The following TTLL11 variants were observed in gnomAD, a reference collection of about 807,000 sequenced individuals.
TTLL11 encodes tubulin tyrosine ligase like 11.
TTLL11 carries 42 observed loss-of-function variants against 51.7 expected under a neutral mutation model. That is an observed-to-expected ratio of 0.81 (90% confidence interval 0.64 to 1.05). The LOEUF (loss-of-function observed/expected upper bound fraction) is 1.05. Among genes scored for constraint, TTLL11 ranks in the 50% least tolerant of loss-of-function variants. TTLL11 has a pLI of 0.00. For synonymous variants in TTLL11, 381 were observed against 383.5 expected, an observed-to-expected ratio of 0.99 and a Z score of 0.08; for missense variants, 799 against 940.4, an observed-to-expected ratio of 0.85 and a Z score of 1.97.
chr9:121,870,822 C>T (rs965855069), intron 6 of TTLL11, 74 bp from the exon 7 acceptor site: 1 of 1,433,648 alleles, frequency 7.0e-7, no homozygotes, highest in Admixed American at 2.7e-5. Flanking sequence ...TTACAGCCTC[C>T]TCGGGAGGCA....
rs184135704 is a variant in TTLL11, at chr9:121,991,313, T to A, written c.694-1543A>T. Among the ~76,000 whole-genome samples the A allele has an allele frequency of 3.9e-5, 6 of 152,360 alleles. No individual in the cohort carries two copies. The East Asian group carries it at 1.2e-3, about 29-fold the overall frequency. On this transcript the variant is annotated intron_variant, in intron 3 of 8. Coordinates refer to ENST00000321582, the MANE Select transcript of TTLL11 (RefSeq NM_001139442.2). ...AAGATCTTTAACAATGGAGAAACACTTAAAGCCTTAATAATGGTCCACATC... is the reference window on the plus strand; with the variant it reads ...AAGATCTTTAACAATGGAGAAACACATAAAGCCTTAATAATGGTCCACATC...
chr9:121,882,876 A>G (rs1046860285), intron 6 of TTLL11, among the ~76,000 whole-genome samples: 4 of 152,120 alleles, frequency 2.6e-5, no homozygotes, highest in Admixed American at 2.0e-4. Flanking sequence ...AATTTATATC[A>G]CAGTCATTTA....
intron 6 of TTLL11, among the ~76,000 whole-genome samples, chr9:121,938,490 A>G (rs1185402178): frequency 2.0e-5 from 3 of 152,208 alleles, no homozygotes; most frequent in African/African-American, 4.8e-5. Flanking sequence ...ACAACAGGGT[A>G]AAAGACAAAT....
chr9:121,888,524 C>T (rs1839101262), intron 6 of TTLL11, among the ~76,000 whole-genome samples: 1 of 152,226 alleles, frequency 6.6e-6, no homozygotes. Flanking sequence ...TGACTCATTT[C>T]TGACTCTCCA....
At chr9:121,874,409 G>A (rs552668991) in intron 6 of TTLL11, among the ~76,000 whole-genome samples, 4 of 152,138 alleles carry the variant, frequency 2.6e-5, no homozygotes, top group Non-Finnish European at 5.9e-5. Context: ...ATAATAGTAA[G>A]TCATGCTCTT....
intron 8 of TTLL11, among the ~76,000 whole-genome samples, chr9:121,839,239 T>C (rs2131353135): frequency 1.3e-5 from 2 of 152,364 alleles, no homozygotes; most frequent in Middle Eastern, 6.8e-3. Context: ...GGCCACCGGA[T>C]GTCAGCAGTG....
intron 8 of TTLL11, among the ~76,000 whole-genome samples, chr9:121,858,398 C>T (rs561946361): frequency 1.1e-4 from 17 of 152,158 alleles, no homozygotes; most frequent in Non-Finnish European, 2.4e-4. Context: ...TCCTCCTCTG[C>T]ACAATGGAGA....
chr9:122,033,183 G>C (rs1844603399), intron 2 of TTLL11, among the ~76,000 whole-genome samples: 1 of 152,096 alleles, frequency 6.6e-6, no homozygotes, highest in East Asian at 1.9e-4. Context: ...CACGATCTTG[G>C]CTTACTGCAA....
intron 6 of TTLL11, among the ~76,000 whole-genome samples, chr9:121,943,892 T>C (rs375667869): frequency 6.6e-6 from 1 of 152,214 alleles, no homozygotes; most frequent in Non-Finnish European, 1.5e-5. Context: ...AGAAAATGTT[T>C]GTTGAATAAG....
At chr9:121,899,365 G>GTATATATATATACATATATATA (rs1554766917) in intron 6 of TTLL11, among the ~76,000 whole-genome samples, 63 of 113,218 alleles carry the variant, frequency 5.6e-4, no homozygotes, top group African/African-American at 1.8e-3. Flanking sequence ...ATGTGTGTGT[G>GTATATATATATACATATATATA]TATATATATA....
intron 3 of TTLL11, among the ~76,000 whole-genome samples, chr9:121,999,409 C>T (rs1259335023): frequency 6.6e-6 from 1 of 152,112 alleles, no homozygotes; most frequent in Non-Finnish European, 1.5e-5. Context: ...TCCTGTGTTC[C>T]CTCTAACAGT....
chr9:121,927,582 C>CT (rs1348334342), intron 6 of TTLL11, among the ~76,000 whole-genome samples: 1 of 151,488 alleles, frequency 6.6e-6, no homozygotes, highest in Non-Finnish European at 1.5e-5. Flanking sequence ...GTAAACTGCT[C>CT]ATTTTGAAAT....
intron 8 of TTLL11, among the ~76,000 whole-genome samples, chr9:121,843,894 G>A (rs1403883395): frequency 5.3e-5 from 8 of 152,038 alleles, no homozygotes; most frequent in African/African-American, 1.2e-4. Flanking sequence ...AGCTGATCTC[G>A]AACTCCTAAA....
chr9:122,073,811 C>T (rs974073922), intron 1 of TTLL11, among the ~76,000 whole-genome samples: 1 of 152,224 alleles, frequency 6.6e-6, no homozygotes. Flanking sequence ...AAGCCTTTCT[C>T]TACCTCCAGG....
At chr9:121,916,694 T>A (rs1185904708) in intron 6 of TTLL11, among the ~76,000 whole-genome samples, 2 of 152,200 alleles carry the variant, frequency 1.3e-5, no homozygotes, top group Non-Finnish European at 2.9e-5. Context: ...GGTATCCAGC[T>A]TGAAGGAATC....
intron 1 of TTLL11, among the ~76,000 whole-genome samples, chr9:122,069,894 T>C (rs1013021997): frequency 6.6e-6 from 1 of 151,654 alleles, no homozygotes; most frequent in African/African-American, 2.4e-5. Context: ...TTGCTCCTGC[T>C]CATCATGGCA....
chr9:121,888,605 C>G (rs1839103840), intron 6 of TTLL11, among the ~76,000 whole-genome samples: 1 of 152,212 alleles, frequency 6.6e-6, no homozygotes, highest in Admixed American at 6.5e-5. Flanking sequence ...AATCAGTCCC[C>G]TTTGTAAAAC....
intron 3 of TTLL11, among the ~76,000 whole-genome samples, chr9:122,018,217 A>AGG (rs1844053082): frequency 6.8e-6 from 1 of 146,930 alleles, no homozygotes; most frequent in African/African-American, 2.5e-5. Context: ...GGTTCACGTC[A>AGG]TTCTTCTGCC....
At chr9:121,872,062 C>T (rs1272542329) in intron 6 of TTLL11, among the ~76,000 whole-genome samples, 2 of 152,232 alleles carry the variant, frequency 1.3e-5, no homozygotes, top group Admixed American at 6.5e-5. Context: ...GATGACGTCT[C>T]GTGGTACTGA....
Sources: gnomAD v4.1 joint callset for allele counts (sites outside exome capture counted in the v4.1 genomes callset) on GRCh38, gnomAD v4.1.1 for gene constraint, MANE v1.5 for transcripts, NCBI Gene and HGNC (gene_info 2026-07-23, HGNC 2026-07-21) for gene names.